PSTPIP1: variants seen among roughly 807,000 people sequenced by gnomAD.
PSTPIP1 encodes proline-serine-threonine phosphatase interacting protein 1.
PSTPIP1 carries 66 observed loss-of-function variants against 69.6 expected under a neutral mutation model. That is an observed-to-expected ratio of 0.95 (90% CI 0.78 to 1.16). The LOEUF (loss-of-function observed/expected upper bound fraction) is 1.16. Ranked by LOEUF, PSTPIP1 falls within the 50% of genes most tolerant of loss-of-function variation. The pLI is 0.00. For synonymous variants in PSTPIP1, 266 were observed against 222.7 expected, an observed-to-expected ratio of 1.19 and a Z score of -1.73; for missense variants, 603 against 557.4, an observed-to-expected ratio of 1.08 and a Z score of -0.82.
At chr15:77,006,659 C>T (rs996148730) in intron 1 of PSTPIP1, among the ~76,000 whole-genome samples, 2 of 152,252 alleles carry the variant, frequency 1.3e-5, no homozygotes, top group Admixed American at 6.5e-5. Context: ...AATTCTTTTG[C>T]ATGTGGATAT....
chr15:77,037,330 C>T lies in PSTPIP1; in HGVS notation c.*154C>T, dbSNP rs924992358. Reference sequence around the variant, plus strand: ...AGGGAATAAAGGAGTGCGTTCTGTTCTCCTTGGTGTGCTGGGGTCCCGTTC... The same window carrying T: ...AGGGAATAAAGGAGTGCGTTCTGTTTTCCTTGGTGTGCTGGGGTCCCGTTC... On this transcript the variant is annotated 3_prime_UTR_variant, in exon 15 of 15. Transcript: ENST00000558012. The T allele has an allele frequency of 1.4e-6, 1 of 709,624 alleles. No individual in the cohort carries two copies. The highest frequency in any genetic ancestry group is 2.0e-6 in the Non-Finnish European group (1 of 494,312). 44.0% of individuals were successfully genotyped at this position (709,624 alleles called of 1,614,324 possible).
Position 77,027,463 on chromosome 15 carries a change from G to A in PSTPIP1, c.355-389G>A, listed in dbSNP as rs538055251. Among the ~76,000 whole-genome samples, 38 of 152,278 alleles carry A rather than the reference G, an allele frequency of 2.5e-4. No individual in the cohort carries two copies. The highest frequency in any genetic ancestry group is 4.1e-4 in the South Asian group (2 of 4,826). On this transcript the variant is annotated intron_variant, in intron 5 of 14. Coordinates refer to ENST00000558012, the MANE Select transcript of PSTPIP1 (RefSeq NM_003978.5). This position sits in a 1 kb window ranked among gnomAD's most constrained non-coding sequence, Gnocchi z 4.3. ...CTAGGGATGGGGCCTGTGTGCCTCC[G>A]AGTTAATGTGGAACTCTGCATGTAT...
rs2076608536 is a variant in PSTPIP1 at position 77,037,447 on chromosome 15, C to T, written c.*271C>T. On this transcript the variant is annotated 3_prime_UTR_variant, in exon 15 of 15. Coordinates refer to ENST00000558012, the MANE Select transcript of PSTPIP1 (RefSeq NM_003978.5). ...CTGGATGTGGAGCTCCCCAACTCAG[C>T]CGAGGCTTCAGCTATAGTTGGAGAA... 2.9e-6 allele frequency: 1 copy of T among 348,416 alleles called. No individual in the cohort carries two copies. Among genetic ancestry groups the T allele is most frequent in the Non-Finnish European group, 5.4e-6 (1 of 185,046 alleles). The allele number at this position is 348,416 out of a possible 1,614,324, so 21.6% of individuals were successfully genotyped here. A position where few individuals can be genotyped will look rare whatever the true frequency, so the allele number is the denominator to read the frequency against.
At chr15:77,032,816 T>C (rs2076453465) in intron 11 of PSTPIP1, 46 bp from the exon 12 acceptor site, 1 of 1,492,154 alleles carries the variant, frequency 6.7e-7, no homozygotes, top group East Asian at 2.5e-5. Context: ...AGGGCCAGAA[T>C]GGGGTGTTGG....
intron 12 of PSTPIP1, 29 bp from the exon 13 acceptor site, chr15:77,035,479 C>T (rs2076537752): frequency 6.3e-7 from 1 of 1,575,326 alleles, no homozygotes; most frequent in Non-Finnish European, 8.6e-7. Context: ...GGGGCGGGGA[C>T]ACTCACCCTC....
At chr15:77,029,223 A>G (rs1187093189) in intron 7 of PSTPIP1, among the ~76,000 whole-genome samples, 1 of 152,202 alleles carries the variant, frequency 6.6e-6, no homozygotes. Context: ...GCAGTCAGTC[A>G]GGGGCCAGAG....
chr15:77,000,709 A>C (rs999418277), intron 1 of PSTPIP1, among the ~76,000 whole-genome samples: 1 of 151,968 alleles, frequency 6.6e-6, no homozygotes, highest in African/African-American at 2.4e-5. Context: ...TTCTTTTACA[A>C]ATTTTTTATT....
chr15:77,014,721 C>A (rs561650104), intron 1 of PSTPIP1, among the ~76,000 whole-genome samples: 2 of 152,336 alleles, frequency 1.3e-5, no homozygotes, highest in South Asian at 2.1e-4. Flanking sequence ...GGGCCCTGGC[C>A]GGCTCACAGG....
chr15:76,998,728 A>C (rs2075634441), intron 1 of PSTPIP1, among the ~76,000 whole-genome samples: 1 of 152,218 alleles, frequency 6.6e-6, no homozygotes, highest in South Asian at 2.1e-4. Context: ...GACACTCAGC[A>C]TGGGAGCAGA....
chr15:77,007,925 T>G (rs1387123094), intron 1 of PSTPIP1: 1 of 456,178 alleles, frequency 2.2e-6, no homozygotes, highest in African/African-American at 2.0e-5. Context: ...CTGCAGTCAC[T>G]GAAGCAGAAG....
At chr15:77,025,722 G>A (rs926292241) in intron 5 of PSTPIP1, 118 bp downstream of exon 5, 3 of 785,168 alleles carry the variant, frequency 3.8e-6, no homozygotes, top group Admixed American at 4.8e-5. Flanking sequence ...GGGTGGTGGT[G>A]GGACAGCACT....
At position 77,029,173 on chromosome 15, in the gene PSTPIP1, T is replaced by C. The variant is rs191260518; in HGVS notation, c.517-356T>C. Among the ~76,000 whole-genome samples, 227 of 152,288 alleles carry C rather than the reference T, an allele frequency of 1.5e-3. 1 individual carries two copies. Among genetic ancestry groups the C allele is most frequent in the African/African-American group, 5.0e-3 (206 of 41,566 alleles). On this transcript the variant is annotated intron_variant, in intron 7 of 14. Coordinates refer to ENST00000558012, the MANE Select transcript of PSTPIP1 (RefSeq NM_003978.5). ...TCACTCATTGCACAGACAGGAAGGC[T>C]GAGGCCCAGAGAGGGAAGTGGCCTG...
At chr15:76,996,418 G>A (rs890318273) in intron 1 of PSTPIP1, among the ~76,000 whole-genome samples, 10 of 152,212 alleles carry the variant, frequency 6.6e-5, no homozygotes, top group African/African-American at 2.4e-4. Flanking sequence ...GCTGTGCCCA[G>A]GGCTCTGGGG....
chr15:77,035,482 T>A (rs1373948488), intron 12 of PSTPIP1, 26 bp from the exon 13 acceptor site: 1 of 1,578,056 alleles, frequency 6.3e-7, no homozygotes, highest in Non-Finnish European at 8.6e-7. Flanking sequence ...GCGGGGACAC[T>A]CACCCTCTTT....
chr15:77,008,318 G>C (rs1028997043), intron 1 of PSTPIP1, among the ~76,000 whole-genome samples: 7 of 152,154 alleles, frequency 4.6e-5, no homozygotes, highest in African/African-American at 1.2e-4. Context: ...CAGAGCAGGA[G>C]CCGCTCTGAA....
chr15:77,020,868 TGG>T (rs201125747), intron 3 of PSTPIP1, among the ~76,000 whole-genome samples: 49,019 of 115,596 alleles, frequency 0.42, 8,987 homozygotes, highest in East Asian at 0.55. Context: ...TAGACTCCTG[TGG>T]GGGGGGGGGG....
chr15:77,035,434 G>T, intron 12 of PSTPIP1, 74 bp from the exon 13 acceptor site: 1 of 1,470,952 alleles, frequency 6.8e-7, no homozygotes. Flanking sequence ...ACCTCTCCCT[G>T]TCTAAACCCT....
At chr15:77,033,075 A>G in intron 12 of PSTPIP1, 123 bp downstream of exon 12, 6 of 994,212 alleles carry the variant, frequency 6.0e-6, no homozygotes, top group East Asian at 5.3e-5. Context: ...TCTGGTGCCC[A>G]GTTTAGGTGC....
Position 76,995,301 on chromosome 15 carries a change from T to G in PSTPIP1, c.-273T>G. On this transcript the variant is annotated 5_prime_UTR_variant, in exon 1 of 15. Coordinates refer to ENST00000558012, the MANE Select transcript of PSTPIP1 (RefSeq NM_003978.5). ...CCGCAGGGTCGGTGAGGGGCTGGGC[T>G]GGACACCAGGGCCCGCCCTCCCATC... The G allele has an allele frequency of 7.3e-7, 1 of 1,371,632 alleles. No individual in the cohort carries two copies. The highest frequency in any genetic ancestry group is 9.4e-7 in the Non-Finnish European group (1 of 1,059,074). 85.0% of individuals were successfully genotyped at this position (1,371,632 alleles called of 1,614,324 possible).
Sources: gnomAD v4.1 joint callset for allele counts (sites outside exome capture counted in the v4.1 genomes callset) on GRCh38, gnomAD v4.1.1 for gene constraint, Gnocchi (gnomAD v3.1) non-coding constraint, MANE v1.5 for transcripts, NCBI Gene and HGNC (gene_info 2026-07-23, HGNC 2026-07-21) for gene names.